The following FUT8 variants were observed in gnomAD, a reference collection of about 807,000 sequenced individuals.
FUT8 encodes alpha-(1,6)-fucosyltransferase.
FUT8 carries 29 observed loss-of-function variants against 71.3 expected under a neutral mutation model. The observed-to-expected ratio is 0.41, with a 90% CI of 0.30 to 0.55. The LOEUF (loss-of-function observed/expected upper bound fraction) is 0.55. Ranked by LOEUF, FUT8 falls within the 20% of genes least tolerant of loss-of-function variation. The pLI is 0.34. For missense variants in FUT8, 544 were observed against 702.1 expected (o/e 0.77, Z 2.55); for synonymous variants, 254 against 239.3 (o/e 1.06, Z -0.57).
chr14:65,411,789 C>T (rs1015225333), upstream of FUT8: 3 of 334,416 alleles, frequency 9.0e-6, no homozygotes, highest in Non-Finnish European at 1.8e-5. Context: ...ATCTTCCGGC[C>T]CTCTGATTGG....
At chr14:65,566,795 C>T (rs940489972) in intron 3 of FUT8, among the ~76,000 whole-genome samples, 1 of 151,888 alleles carries the variant, frequency 6.6e-6, no homozygotes, top group Non-Finnish European at 1.5e-5. Flanking sequence ...ATGTAGTGGG[C>T]CTTTAAAAAA....
chr14:65,475,194 T>C (rs1391440082), intron 2 of FUT8, among the ~76,000 whole-genome samples: 2 of 152,172 alleles, frequency 1.3e-5, no homozygotes. Context: ...ACCCTGCCTT[T>C]AGGAAACTGA....
chr14:65,576,213 C>G (rs984837084), intron 3 of FUT8, among the ~76,000 whole-genome samples: 1 of 152,096 alleles, frequency 6.6e-6, no homozygotes, highest in Non-Finnish European at 1.5e-5. Flanking sequence ...TTTTCAATGG[C>G]TTCCAGGCTA....
chr14:65,382,460 C>T, the FUT8 span, among the ~76,000 whole-genome samples: 13 of 152,120 alleles, frequency 8.5e-5, no homozygotes, highest in Admixed American at 7.2e-4. Flanking sequence ...CCTCAGCCTC[C>T]GAGTAGCTGG....
chr14:65,724,091 C>T, intron 8 of FUT8, 56 bp from the exon 9 acceptor site: 2 of 1,324,770 alleles, frequency 1.5e-6, no homozygotes, highest in Non-Finnish European at 2.0e-6. Context: ...AAATTGAGTA[C>T]CCTCAAAGCA....
At chr14:65,613,711 G>A (rs761064109) in intron 3 of FUT8, among the ~76,000 whole-genome samples, 1 of 152,080 alleles carries the variant, frequency 6.6e-6, no homozygotes, top group African/African-American at 2.4e-5. Flanking sequence ...TTTATTAAAC[G>A]TGTTCTGAAG....
Position 65,563,628 on chromosome 14 carries a change from A to T in FUT8, c.203+1862A>T, listed in dbSNP as rs78974908. ...TTGTAATCAAATCTCCTTCTATATC[A>T]TGGGAATTTTGCTCCTAAAAAGATT... On this transcript the variant is annotated intron_variant, in intron 3 of 10. Transcript: ENST00000673929. Among the ~76,000 whole-genome samples the T allele has an allele frequency of 6.4e-3, 975 of 152,112 alleles. 17 individuals are homozygous for T. The highest frequency in any genetic ancestry group is 0.022 in the African/African-American group (908 of 41,522).
chr14:65,421,747 C>CCCTTT (rs57713947), intron 1 of FUT8, among the ~76,000 whole-genome samples: 4 of 79,212 alleles, frequency 5.0e-5, no homozygotes, highest in African/African-American at 9.9e-5. Flanking sequence ...CCACCCCCCC[C>CCCTTT]TTTTTTTTTT....
chr14:65,361,153 C>T, the FUT8 span, among the ~76,000 whole-genome samples: 3 of 151,748 alleles, frequency 2.0e-5, no homozygotes, highest in Non-Finnish European at 2.9e-5. Flanking sequence ...GTCAGGAGTT[C>T]GAGACCAGTC....
chr14:65,411,581 G>T (rs1303099532), upstream of FUT8: 1 of 175,708 alleles, frequency 5.7e-6, no homozygotes, highest in African/African-American at 2.4e-5. Flanking sequence ...TCCTTTCTGT[G>T]ATCTTTTAAT....
At chr14:65,591,878 G>A (rs1887708427) in intron 3 of FUT8, among the ~76,000 whole-genome samples, 1 of 144,068 alleles carries the variant, frequency 6.9e-6, no homozygotes, top group Non-Finnish European at 1.5e-5. Flanking sequence ...ATATAATCTA[G>A]TAACAGCATA....
rs925675273 is a variant in FUT8, at chr14:65,513,020, T to A, written c.-227-48317T>A. ...AGAGCTAGGCTAGTGGGGAGCAGAATCATGAGCTTAAATTAGTGGAATATG... is the reference window on the plus strand; with the variant it reads ...AGAGCTAGGCTAGTGGGGAGCAGAAACATGAGCTTAAATTAGTGGAATATG... On this transcript the variant is annotated intron_variant, in intron 2 of 10. Transcript: ENST00000673929. 7.2e-5 allele frequency among the ~76,000 whole-genome samples: 11 copies of A among 152,074 alleles called. No individual in the cohort carries two copies. The South Asian group carries it at 1.0e-3, about 14-fold the overall frequency.
At chr14:65,578,733 T>A (rs1227529838) in intron 3 of FUT8, among the ~76,000 whole-genome samples, 1 of 152,242 alleles carries the variant, frequency 6.6e-6, no homozygotes, top group East Asian at 1.9e-4. Context: ...GGCAAAGCTG[T>A]CTGAAGGAGA....
At chr14:65,515,460 CT>C (rs1047306229) in intron 2 of FUT8, among the ~76,000 whole-genome samples, 182 of 141,868 alleles carry the variant, frequency 1.3e-3, no homozygotes, top group Non-Finnish European at 1.0e-3. Context: ...TTTTTCTTTG[CT>C]TTTTTTTTTT....
At chr14:65,528,262 C>T (rs1883649564) in intron 2 of FUT8, among the ~76,000 whole-genome samples, 2 of 152,240 alleles carry the variant, frequency 1.3e-5, no homozygotes, top group Non-Finnish European at 1.5e-5. Context: ...GTACCCCTCC[C>T]CCAGCTTCGC....
intron 6 of FUT8, among the ~76,000 whole-genome samples, chr14:65,648,960 T>A (rs550131946): frequency 2.0e-5 from 3 of 152,078 alleles, no homozygotes; most frequent in African/African-American, 7.2e-5. Flanking sequence ...AAGTAGGGAG[T>A]CTCTGACGAT....
At chr14:65,502,188 G>C (rs2139774093) in intron 2 of FUT8, among the ~76,000 whole-genome samples, 1 of 152,084 alleles carries the variant, frequency 6.6e-6, no homozygotes, top group Admixed American at 6.5e-5. Flanking sequence ...TGGGATTACA[G>C]GTGTGAGCCA....
At chr14:65,618,051 A>ATATG (rs1164131346) in intron 5 of FUT8, among the ~76,000 whole-genome samples, 8,846 of 82,218 alleles carry the variant, frequency 0.11, 797 homozygotes, top group Non-Finnish European at 0.16. Flanking sequence ...ATATATATAT[A>ATATG]TATGTATGTA....
intron 6 of FUT8, among the ~76,000 whole-genome samples, chr14:65,657,238 A>G (rs1891726714): frequency 6.6e-6 from 1 of 152,238 alleles, no homozygotes; most frequent in East Asian, 1.9e-4. Flanking sequence ...AATGTAAATT[A>G]GTACAACCAC....
Sources: allele counts gnomAD v4.1 joint callset (sites outside exome capture counted in the v4.1 genomes callset), GRCh38; gene constraint gnomAD v4.1.1; transcripts MANE v1.5; gene names NCBI Gene and HGNC (gene_info 2026-07-23, HGNC 2026-07-21).